Variants in RILPL1 observed in about 807,000 individuals in gnomAD.
RILPL1 encodes the protein Rab interacting lysosomal protein like 1.
A neutral mutation model predicts 50.3 loss-of-function variants in RILPL1; 33 were observed. That is an observed-to-expected ratio of 0.66 (90% CI 0.50 to 0.88). The LOEUF (loss-of-function observed/expected upper bound fraction) is 0.88. RILPL1 is among the 40% of genes least tolerant of loss of function. The probability of loss-of-function intolerance (pLI) is 0.00; values close to 1 mark genes in which losing one functional copy is unlikely to be tolerated. For synonymous variants in RILPL1, 205 were observed against 228.6 expected (o/e 0.90, Z 0.93); for missense variants, 418 against 542.5 (o/e 0.77, Z 2.28).
intron 2 of RILPL1, among the ~76,000 whole-genome samples, chr12:123,512,876 C>A (rs369549617): frequency 5.0e-4 from 55 of 109,844 alleles, no homozygotes; most frequent in African/African-American, 1.9e-3. Flanking sequence ...TGTGTGAGGT[C>A]TGTGTGTGTG....
chr12:123,510,394 G>C (rs1223475933), intron 2 of RILPL1, among the ~76,000 whole-genome samples: 1 of 151,828 alleles, frequency 6.6e-6, no homozygotes, highest in Non-Finnish European at 1.5e-5. Context: ...GGTGTGTGAG[G>C]TCTGTGTGTG....
chr12:123,526,254 C>T (rs1186733341), intron 1 of RILPL1, among the ~76,000 whole-genome samples: 4 of 151,218 alleles, frequency 2.6e-5, no homozygotes, highest in Non-Finnish European at 5.9e-5. Flanking sequence ...TGTAGTGAGC[C>T]GAGATCAAGC....
At chr12:123,476,588 G>C (rs972501766) in intron 6 of RILPL1, among the ~76,000 whole-genome samples, 3 of 152,108 alleles carry the variant, frequency 2.0e-5, no homozygotes, top group Non-Finnish European at 4.4e-5. Flanking sequence ...TGTGAGGAAG[G>C]TGGAAGTGGA....
At chr12:123,524,492 T>C (rs1043800440) in intron 1 of RILPL1, among the ~76,000 whole-genome samples, 11 of 152,146 alleles carry the variant, frequency 7.2e-5, no homozygotes, top group Non-Finnish European at 1.0e-4. Context: ...AGGTGAATGT[T>C]CCTCGCAGCA....
chr12:123,479,387 G>A (rs1044540639), intron 6 of RILPL1, among the ~76,000 whole-genome samples: 5 of 152,086 alleles, frequency 3.3e-5, no homozygotes, highest in East Asian at 1.9e-4. Context: ...CTGAAGAGCC[G>A]CCCTGAGCAG....
intron 2 of RILPL1, chr12:123,513,458 C>A (rs1244480131): frequency 3.9e-6 from 1 of 256,956 alleles, no homozygotes; most frequent in Non-Finnish European, 8.4e-6. Context: ...AGCCCAGCAG[C>A]CTCATCACCT....
chr12:123,502,550 C>T (rs770786963), intron 2 of RILPL1, among the ~76,000 whole-genome samples: 2 of 151,468 alleles, frequency 1.3e-5, no homozygotes, highest in Admixed American at 6.6e-5. Flanking sequence ...ACACCGCAGG[C>T]GGGTGAGGCC....
chr12:123,477,910 GC>G (rs1280924937), intron 6 of RILPL1, among the ~76,000 whole-genome samples: 1 of 150,560 alleles, frequency 6.6e-6, no homozygotes, highest in East Asian at 2.0e-4. Flanking sequence ...TTCATTTAGG[GC>G]CTTTTCAGGG....
chr12:123,484,955 G>A (rs890710810), intron 5 of RILPL1: 40 of 325,426 alleles, frequency 1.2e-4, no homozygotes, highest in South Asian at 6.4e-4. Flanking sequence ...CACCGCGCCC[G>A]GCCTCTCCCA....
At chr12:123,516,087 C>T (rs373397080) in intron 2 of RILPL1, among the ~76,000 whole-genome samples, 1 of 146,782 alleles carries the variant, frequency 6.8e-6, no homozygotes, top group South Asian at 2.2e-4. Context: ...AGCAACTTGG[C>T]CCAAATCTCA....
chr12:123,522,194 C>A lies in RILPL1; in HGVS notation c.460+1301G>T, dbSNP rs1161156273. On this transcript the variant is annotated intron_variant, in intron 2 of 6. Transcript: ENST00000376874. This position sits in a 1 kb window ranked among gnomAD's most constrained non-coding sequence, Gnocchi z 4.0. Reference sequence around the variant, plus strand: ...GCTCATGTGGGGAGCTAAGGAGTTTCTCAGAAGTATTGACTCTGAGCTTTC... The same window carrying A: ...GCTCATGTGGGGAGCTAAGGAGTTTATCAGAAGTATTGACTCTGAGCTTTC... 2.6e-5 allele frequency among the ~76,000 whole-genome samples: 4 copies of A among 152,208 alleles called. No homozygotes were observed. The highest frequency in any genetic ancestry group is 1.3e-4 in the Admixed American group (2 of 15,282).
chr12:123,481,747 G>C (rs1190401421), intron 6 of RILPL1, among the ~76,000 whole-genome samples: 1 of 151,240 alleles, frequency 6.6e-6, no homozygotes, highest in African/African-American at 2.4e-5. Flanking sequence ...AGTGGAGATG[G>C]GGTTTCTCCG....
In RILPL1 at chr12:123,485,033, C is replaced by T. The variant is rs778146056; in HGVS notation, c.974+600G>A. The T allele has an allele frequency of 1.9e-5, 8 of 413,330 alleles. No individual in the cohort carries two copies. The highest frequency in any genetic ancestry group is 5.6e-5 in the Admixed American group (2 of 35,792). 25.6% of individuals were successfully genotyped at this position (413,330 alleles called of 1,614,324 possible). On this transcript the variant is annotated intron_variant, in intron 5 of 6. Transcript: ENST00000376874. The surrounding 1 kb of genome is among the most constrained non-coding windows in gnomAD (Gnocchi z 4.0). ...AATGTGTGGTATTATATTTTTTATGCATCTCTTATCTTCCCCACTGGAGCA... is the reference window on the plus strand; with the variant it reads ...AATGTGTGGTATTATATTTTTTATGTATCTCTTATCTTCCCCACTGGAGCA...
At chr12:123,506,773 A>G (rs370295665) in intron 2 of RILPL1, among the ~76,000 whole-genome samples, 50 of 152,180 alleles carry the variant, frequency 3.3e-4, no homozygotes, top group African/African-American at 1.1e-3. Flanking sequence ...CTGTTCATGT[A>G]AAGTACATAT....
chr12:123,472,821 G>T, intron 6 of RILPL1, 139 bp from the exon 7 acceptor site: 1 of 874,652 alleles, frequency 1.1e-6, no homozygotes, highest in Non-Finnish European at 1.7e-6. Context: ...AAAGTTGGGG[G>T]TGCAGGTCAA....
intron 4 of RILPL1, among the ~76,000 whole-genome samples, chr12:123,492,065 G>T (rs1882725886): frequency 1.3e-5 from 2 of 151,594 alleles, no homozygotes; most frequent in African/African-American, 4.9e-5. Flanking sequence ...TTTGAGGTCA[G>T]GAGTTCAAGA....
At position 123,494,124 on chromosome 12, in the gene RILPL1, C is replaced by G. The variant is rs140925680; in HGVS notation, c.801+4420G>C. Among the ~76,000 whole-genome samples, 11 of 152,244 alleles carry G rather than the reference C, an allele frequency of 7.2e-5. No individual in the cohort carries two copies. The East Asian group carries it at 2.1e-3, about 29-fold the overall frequency. On this transcript the variant is annotated intron_variant, in intron 4 of 6. Transcript: ENST00000376874. ...TGACTTCACCAAGCCCTCCCCTGAT[C>G]TTATACTCCTCTCTCCCAGCTGCGC...
intron 1 of RILPL1, among the ~76,000 whole-genome samples, chr12:123,529,899 A>G (rs943295698): frequency 1.3e-5 from 2 of 151,648 alleles, no homozygotes; most frequent in South Asian, 2.1e-4. Flanking sequence ...GAGAAAAAAA[A>G]TCTCTATCTC....
intron 2 of RILPL1, chr12:123,513,709 A>T (rs1362981781): frequency 6.6e-6 from 1 of 152,388 alleles, no homozygotes; most frequent in African/African-American, 2.4e-5. Context: ...GCTAAGAGAA[A>T]GTACAAGAGT....
Sources: allele counts gnomAD v4.1 joint callset (sites outside exome capture counted in the v4.1 genomes callset), GRCh38; gene constraint gnomAD v4.1.1; non-coding constraint Gnocchi (gnomAD v3.1); transcripts MANE v1.5; gene names NCBI Gene and HGNC (gene_info 2026-07-23, HGNC 2026-07-21).